The following CSMD3 variants were observed in gnomAD, a reference collection of about 807,000 sequenced individuals.
CSMD3 encodes CUB and Sushi multiple domains 3.
Under a neutral mutation model 435.2 loss-of-function variants are expected in CSMD3, and 177 were observed. That is an observed-to-expected ratio of 0.41 (90% CI 0.36 to 0.46). The LOEUF (loss-of-function observed/expected upper bound fraction) is 0.46, where lower values mean the gene tolerates loss of function less well. Ranked by LOEUF, CSMD3 falls within the 20% of genes least tolerant of loss-of-function variation. The pLI is 0.34. For missense variants in CSMD3, 4,265 were observed against 4,504.6 expected (o/e 0.95, Z 1.52); for synonymous variants, 1,656 against 1,520.5 (o/e 1.09, Z -2.07).
chr8:113,263,805 C>CT (rs2093446189), intron 3 of CSMD3, among the ~76,000 whole-genome samples: 1 of 151,712 alleles, frequency 6.6e-6, no homozygotes, highest in Non-Finnish European at 1.5e-5. Context: ...TACAAACTAT[C>CT]TTGTCCTTTG....
chr8:112,975,828 A>G lies in CSMD3; in HGVS notation c.1342+9T>C. On this transcript the variant is annotated intron_variant, in intron 7 of 70. Transcript: ENST00000297405. ...ACTAAATGGGCACAAGTAAAATAACATCCAATACCTCTATGAGTAACAACT... is the reference window on the plus strand; with the variant it reads ...ACTAAATGGGCACAAGTAAAATAACGTCCAATACCTCTATGAGTAACAACT... The G allele has an allele frequency of 6.2e-7, 1 of 1,612,670 alleles. No individual in the cohort carries two copies. The highest frequency in any genetic ancestry group is 8.5e-7 in the Non-Finnish European group (1 of 1,179,762).
rs182629953 is a variant in CSMD3 at position 113,309,763 on chromosome 8, T to A, written c.401+4808A>T. On this transcript the variant is annotated intron_variant, in intron 2 of 70. Transcript: ENST00000297405. ...TATCAAAATATCCAAAAAATAAGCTTTGGATATTGTGATAGATTTTGTCAG... is the reference window on the plus strand; with the variant it reads ...TATCAAAATATCCAAAAAATAAGCTATGGATATTGTGATAGATTTTGTCAG... The A allele has an allele frequency of 8.5e-5, 13 of 152,296 alleles. No individual in the cohort carries two copies. In the East Asian group the frequency reaches 1.7e-3, roughly 20 times the overall value. The allele number at this position is 152,296 out of a possible 1,614,324, so 9.4% of individuals were successfully genotyped here. A position where few individuals can be genotyped will look rare whatever the true frequency, so the allele number is the denominator to read the frequency against.
chr8:112,589,922 A>C (rs1259685377), intron 22 of CSMD3, among the ~76,000 whole-genome samples: 1 of 152,164 alleles, frequency 6.6e-6, no homozygotes, highest in Non-Finnish European at 1.5e-5. Context: ...TATGACTCAG[A>C]AGATTATGTC....
chr8:112,479,639 C>T (rs1363580788), intron 31 of CSMD3, among the ~76,000 whole-genome samples: 1 of 152,176 alleles, frequency 6.6e-6, no homozygotes, highest in East Asian at 1.9e-4. Context: ...CCAGGTACAG[C>T]TCAGGCCACA....
intron 4 of CSMD3, among the ~76,000 whole-genome samples, chr8:113,114,510 C>T (rs2090764255): frequency 6.6e-6 from 1 of 152,114 alleles, no homozygotes; most frequent in Non-Finnish European, 1.5e-5. Flanking sequence ...AGATATCTAT[C>T]AGCTGAAGGG....
intron 36 of CSMD3, among the ~76,000 whole-genome samples, chr8:112,385,075 G>A (rs1829813325): frequency 6.6e-6 from 1 of 151,906 alleles, no homozygotes; most frequent in Admixed American, 6.6e-5. Flanking sequence ...TACAGTGGGG[G>A]GTATTTACAT....
intron 5 of CSMD3, among the ~76,000 whole-genome samples, chr8:113,052,221 T>A (rs920521563): frequency 5.3e-5 from 8 of 152,204 alleles, no homozygotes; most frequent in African/African-American, 1.9e-4. Flanking sequence ...CTTTATTACA[T>A]TAAAATTCTG....
intron 5 of CSMD3, among the ~76,000 whole-genome samples, chr8:113,081,264 T>G (rs981653014): frequency 2.0e-5 from 3 of 152,190 alleles, no homozygotes; most frequent in East Asian, 1.9e-4. Context: ...TACAGATCCA[T>G]GTTCACTGTG....
rs1434500130 is a variant in CSMD3, at chr8:112,263,739, A to G, written c.9762T>C (p.Ser3254=). ...AGCCTGGAGAACAGATGTAGCTAAT[A>G]CTAAAGCCCCAGTCGAAATTTGTTC... ...LEGTNFDWGF[S]ISYICSPGYE... Residue 3254 remains serine (S), a synonymous_variant, in exon 61 of 71, where the codon AGT becomes AGC. Transcript: ENST00000297405. 2 of 1,613,902 alleles carry G rather than the reference A, an allele frequency of 1.2e-6. No homozygotes were observed. The highest frequency in any genetic ancestry group is 1.7e-6 in the Non-Finnish European group (2 of 1,179,798).
At chr8:112,373,732 T>C (rs550280722) in intron 38 of CSMD3, among the ~76,000 whole-genome samples, 2 of 152,316 alleles carry the variant, frequency 1.3e-5, no homozygotes, top group South Asian at 2.1e-4. Context: ...CCTACCTTTT[T>C]TGAAACTTGA....
Position 112,854,530 on chromosome 8 carries a change from G to A in CSMD3, c.1755+4615C>T, listed in dbSNP as rs903219294. Reference sequence around the variant, plus strand: ...CATCATGGTCAGAGAACAAGAGACCGTCTATGGTGAACCTGTAGCACTGGG... The same window carrying A: ...CATCATGGTCAGAGAACAAGAGACCATCTATGGTGAACCTGTAGCACTGGG... On this transcript the variant is annotated intron_variant, in intron 11 of 70. Coordinates refer to ENST00000297405, the MANE Select transcript of CSMD3 (RefSeq NM_198123.2). Among the ~76,000 whole-genome samples, 30 of 152,110 alleles carry A rather than the reference G, an allele frequency of 2.0e-4. 1 individual carries two copies. The highest frequency in any genetic ancestry group is 6.3e-4 in the African/African-American group (26 of 41,416).
chr8:113,167,764 T>C (rs558095546), intron 4 of CSMD3, among the ~76,000 whole-genome samples: 1 of 152,310 alleles, frequency 6.6e-6, no homozygotes, highest in African/African-American at 2.4e-5. Flanking sequence ...AAACAATTCA[T>C]GCTTAACTTG....
At chr8:113,268,744 T>C (rs770623493) in intron 3 of CSMD3, among the ~76,000 whole-genome samples, 11 of 152,076 alleles carry the variant, frequency 7.2e-5, no homozygotes, top group African/African-American at 2.7e-4. Flanking sequence ...CTTTAATTAA[T>C]TGTTTATTCC....
intron 3 of CSMD3, among the ~76,000 whole-genome samples, chr8:113,220,719 G>T (rs528342666): frequency 5.3e-5 from 8 of 151,388 alleles, no homozygotes; most frequent in East Asian, 3.9e-4. Context: ...TGAGATATTT[G>T]CATGGCCTGA....
At chr8:113,119,371 A>G (rs1051872430) in intron 4 of CSMD3, among the ~76,000 whole-genome samples, 26 of 152,204 alleles carry the variant, frequency 1.7e-4, no homozygotes, top group African/African-American at 5.8e-4. Flanking sequence ...CCTATTTTAT[A>G]GGAGAGAAAA....
rs1339985980 is a variant in CSMD3, at chr8:112,841,417, T to C, written c.1756-11628A>G. 5.3e-5 allele frequency among the ~76,000 whole-genome samples: 8 copies of C among 151,810 alleles called. No homozygotes were observed. In the East Asian group the frequency reaches 1.5e-3, roughly 29 times the overall value. On this transcript the variant is annotated intron_variant, in intron 11 of 70. Coordinates refer to ENST00000297405, the MANE Select transcript of CSMD3 (RefSeq NM_198123.2). ...TCATTCCATAATATTGGCTGAAAAA[T>C]CATCTGCTCAGAAAAGTATTTTTGA...
intron 1 of CSMD3, among the ~76,000 whole-genome samples, chr8:113,343,737 G>A (rs2094134554): frequency 6.6e-6 from 1 of 152,028 alleles, no homozygotes; most frequent in Non-Finnish European, 1.5e-5. Flanking sequence ...TTACACATAA[G>A]GAAATGGGCC....
intron 1 of CSMD3, among the ~76,000 whole-genome samples, chr8:113,364,244 A>AAT (rs1563748212): frequency 1.4e-5 from 2 of 145,494 alleles, no homozygotes; most frequent in African/African-American, 5.3e-5. Flanking sequence ...ATTAGACTAA[A>AAT]TTTTTTTTTT....
At chr8:112,369,687 G>C (rs1828132248) in intron 38 of CSMD3, among the ~76,000 whole-genome samples, 1 of 151,924 alleles carries the variant, frequency 6.6e-6, no homozygotes, top group African/African-American at 2.4e-5. Context: ...ACAGGGAGGG[G>C]AACATCACAT....
Sources: allele counts gnomAD v4.1 joint callset (sites outside exome capture counted in the v4.1 genomes callset), GRCh38; gene constraint gnomAD v4.1.1; transcripts MANE v1.5; gene names NCBI Gene and HGNC (gene_info 2026-07-23, HGNC 2026-07-21).